Variants in DHX36 observed in about 807,000 individuals in gnomAD.
The protein encoded by DHX36 is DEAH-box helicase 36.
DHX36 carries 50 observed loss-of-function variants against 139.0 expected under a neutral mutation model. That is an observed-to-expected ratio of 0.36 (90% CI 0.29 to 0.46). The LOEUF is 0.46. Among genes scored for constraint, DHX36 ranks in the 20% least tolerant of loss-of-function variants. The pLI, the probability that DHX36 is intolerant of heterozygous loss-of-function variation, is 1.00. For missense variants in DHX36, 1,024 were observed against 1,211.3 expected (o/e 0.85, Z 2.29); for synonymous variants, 425 against 401.9 (o/e 1.06, Z -0.69).
At chr3:154,320,817 A>G (rs1713160684) in intron 1 of DHX36, among the ~76,000 whole-genome samples, 1 of 152,198 alleles carries the variant, frequency 6.6e-6, no homozygotes, top group Non-Finnish European at 1.5e-5. Flanking sequence ...TTCTCACCTT[A>G]GTTACTGCAA....
intron 22 of DHX36, 50 bp from the exon 23 acceptor site, chr3:154,277,768 A>T: frequency 1.3e-6 from 2 of 1,493,698 alleles, no homozygotes; most frequent in Non-Finnish European, 1.8e-6. Context: ...CTTCTAGAGG[A>T]TTTTCTTTTT....
chr3:154,303,430 A>G lies in DHX36; in HGVS notation c.1136-20T>C, dbSNP rs748948380. ...AGTTACCTATTACGGCAGACAAAAT[A>G]TAAGCATAAATTTGTACTCAAATGT... On this transcript the variant is annotated intron_variant, in intron 8 of 24. Transcript: ENST00000496811. 25 of 1,533,948 alleles carry G rather than the reference A, an allele frequency of 1.6e-5. No individual in the cohort carries two copies. The highest frequency in any genetic ancestry group is 2.3e-5 in the East Asian group (1 of 44,060).
rs532853540 is a variant in DHX36, at chr3:154,307,624, G to A, written c.814-1329C>T. 2.0e-4 allele frequency among the ~76,000 whole-genome samples: 30 copies of A among 152,114 alleles called. No homozygotes were observed. The South Asian group carries it at 5.6e-3, about 28-fold the overall frequency. The stretch of plus-strand genomic sequence containing the variant: ...AAAGAGTCAAAAAATAATAGATCTT[G>A]GCCAGGACATGGATAAAAGAGAACT... On this transcript the variant is annotated intron_variant, in intron 5 of 24. Transcript: ENST00000496811.
rs1341543206 is a variant in DHX36 at position 154,275,613 on chromosome 3, TA to T, written c.*557del. ...GCACGTGTTTTAAAAATAGTAAAAATATCAAATGAACCAAGCCATAGGTGAA... is the reference window on the plus strand; with the variant it reads ...GCACGTGTTTTAAAAATAGTAAAAATTCAAATGAACCAAGCCATAGGTGAA... On this transcript the variant is annotated 3_prime_UTR_variant, in exon 25 of 25. Transcript: ENST00000496811. The T allele has an allele frequency of 6.6e-6, 1 of 152,536 alleles. No individual in the cohort carries two copies. Among genetic ancestry groups the T allele is most frequent in the African/African-American group, 2.4e-5 (1 of 41,432 alleles). The allele number at this position is 152,536 out of a possible 1,614,324, so 9.4% of individuals were successfully genotyped here.
At chr3:154,276,716 A>T in intron 24 of DHX36, 31 bp downstream of exon 24, 1 of 1,606,068 alleles carries the variant, frequency 6.2e-7, no homozygotes, top group Non-Finnish European at 8.5e-7. Flanking sequence ...ACTTACATGT[A>T]GATTTAAGAT....
intron 15 of DHX36, among the ~76,000 whole-genome samples, chr3:154,290,401 C>T (rs748688951): frequency 1.3e-5 from 2 of 151,810 alleles, no homozygotes; most frequent in Non-Finnish European, 2.9e-5. Flanking sequence ...TCTGGGACGC[C>T]GAGGTGGGTG....
chr3:154,276,969 A>G (rs1719168336), intron 23 of DHX36, 70 bp from the exon 24 acceptor site: 1 of 1,278,604 alleles, frequency 7.8e-7, no homozygotes, highest in East Asian at 2.6e-5. Flanking sequence ...ATTCAACAAT[A>G]TTACCAGTAT....
intron 17 of DHX36, among the ~76,000 whole-genome samples, chr3:154,287,612 A>G (rs903656966): frequency 1.3e-5 from 2 of 152,090 alleles, no homozygotes; most frequent in Non-Finnish European, 2.9e-5. Context: ...AGCCGAGATC[A>G]TGCCACTGCA....
At chr3:154,299,099 C>A (rs758377738) in intron 12 of DHX36, among the ~76,000 whole-genome samples, 1 of 151,724 alleles carries the variant, frequency 6.6e-6, no homozygotes, top group African/African-American at 2.4e-5. Context: ...TAGTGAAACC[C>A]CATCTCTACT....
rs1409865335 is a variant in DHX36, at chr3:154,273,743, A to G, written c.*2428T>C. 6.6e-6 allele frequency: 1 copy of G among 152,222 alleles called. No individual in the cohort carries two copies. Among genetic ancestry groups the G allele is most frequent in the Non-Finnish European group, 1.5e-5 (1 of 68,042 alleles). The allele number at this position is 152,222 out of a possible 1,614,324, so 9.4% of individuals were successfully genotyped here. A position where few individuals can be genotyped will look rare whatever the true frequency, so the allele number is the denominator to read the frequency against. ...GTACCTGAACAAGTGCTGTTAATGG[A>G]TCACTGTAGCATTATCAATACATCC... On this transcript the variant is annotated 3_prime_UTR_variant, in exon 25 of 25. Coordinates refer to ENST00000496811, the MANE Select transcript of DHX36 (RefSeq NM_020865.3).
chr3:154,287,480 C>A (rs981108738), intron 17 of DHX36, among the ~76,000 whole-genome samples: 1 of 151,908 alleles, frequency 6.6e-6, no homozygotes, highest in African/African-American at 2.4e-5. Context: ...CATGGTGAAA[C>A]CCCATCTCTA....
chr3:154,301,181 C>A, intron 9 of DHX36, 54 bp from the exon 10 acceptor site: 1 of 1,490,106 alleles, frequency 6.7e-7, no homozygotes, highest in Non-Finnish European at 9.0e-7. Context: ...CTAGTTTTAG[C>A]TAAAATCTGT....
chr3:154,280,491 AT>A (rs1383629817), intron 22 of DHX36, 87 bp downstream of exon 22: 1 of 957,318 alleles, frequency 1.0e-6, no homozygotes, highest in South Asian at 1.6e-5. Context: ...ATAAGAACAA[AT>A]TTATAATATA....
chr3:154,311,585 T>A (rs1196250080), intron 4 of DHX36, 51 bp downstream of exon 4: 1 of 1,490,496 alleles, frequency 6.7e-7, no homozygotes, highest in South Asian at 1.2e-5. Context: ...TTAAAAAAAA[T>A]TGTGTATTTA....
At chr3:154,317,211 T>C (rs1161724441) in intron 1 of DHX36, among the ~76,000 whole-genome samples, 1 of 152,090 alleles carries the variant, frequency 6.6e-6, no homozygotes, top group African/African-American at 2.4e-5. Context: ...TCTGTGTTAC[T>C]GTACATTTTT....
At chr3:154,311,798 C>T in intron 3 of DHX36, 124 bp from the exon 4 acceptor site, 1 of 641,700 alleles carries the variant, frequency 1.6e-6, no homozygotes, top group Non-Finnish European at 2.5e-6. Context: ...TATCTCATGG[C>T]TTGTGTAAAA....
In DHX36 at chr3:154,276,268, C is replaced by T. The variant is rs1287727041; in HGVS notation, c.2930G>A (p.Cys977Tyr). Reference sequence around the variant, plus strand: ...GTCTATAATAGCTGACAGTACTGCACAGTCTCTGGATTTAGTGTCATTCCA... The same window carrying T: ...GTCTATAATAGCTGACAGTACTGCATAGTCTCTGGATTTAGTGTCATTCCA... Reference protein sequence around the residue: ...VDWNDTKSRDCAVLSAIIDLI... With the variant: ...VDWNDTKSRDYAVLSAIIDLI... Residue 977 changes from cysteine to tyrosine, a missense_variant, in exon 25 of 25, where the codon TGT (cysteine) becomes TAT (tyrosine). This residue lies in a region of DHX36 where 470 missense variants were observed against 616.2 expected (regional missense o/e 0.76). Transcript: ENST00000496811. 1.2e-6 allele frequency: 2 copies of T among 1,613,954 alleles called. No individual in the cohort carries two copies. Among genetic ancestry groups the T allele is most frequent in the Admixed American group, 3.3e-5 (2 of 60,004 alleles).
chr3:154,297,493 A>G (rs958547983), intron 12 of DHX36, among the ~76,000 whole-genome samples: 2 of 152,174 alleles, frequency 1.3e-5, no homozygotes, highest in Non-Finnish European at 2.9e-5. Context: ...CAGGTGGATT[A>G]CAAGGTCAGG....
chr3:154,317,022 A>G (rs1472699299), intron 1 of DHX36, among the ~76,000 whole-genome samples: 1 of 152,082 alleles, frequency 6.6e-6, no homozygotes, highest in Non-Finnish European at 1.5e-5. Context: ...GGAGGAAGGT[A>G]AAAGTATAAA....
Sources: gnomAD v4.1 joint callset for allele counts (sites outside exome capture counted in the v4.1 genomes callset) on GRCh38, gnomAD v4.1.1 for gene constraint, gnomAD v4.1.1 regional missense constraint, MANE v1.5 for transcripts, NCBI Gene and HGNC (gene_info 2026-07-23, HGNC 2026-07-21) for gene names.